GPHN: variants seen among roughly 807,000 people sequenced by gnomAD.
GPHN encodes the protein gephyrin.
GPHN carries 17 observed loss-of-function variants against 95.5 expected under a neutral mutation model. That is an observed-to-expected ratio of 0.18 (90% CI 0.12 to 0.27). GPHN has a LOEUF of 0.27. GPHN is among the 10% of genes least tolerant of loss of function. The pLI is 1.00. For missense variants in GPHN, 660 were observed against 978.1 expected, an observed-to-expected ratio of 0.67 and a Z score of 4.34; for synonymous variants, 320 against 322.5, an observed-to-expected ratio of 0.99 and a Z score of 0.08.
the GPHN span, chr14:67,333,102 G>A: frequency 1.1e-5 from 7 of 655,900 alleles, no homozygotes; most frequent in Admixed American, 1.9e-4. Flanking sequence ...TTGAATTAGT[G>A]AGACGACAGT....
chr14:67,578,615 C>T, the GPHN span: 18 of 1,607,156 alleles, frequency 1.1e-5, no homozygotes, highest in African/African-American at 2.7e-5. The surrounding 1 kb of genome is among the most constrained non-coding windows in gnomAD (Gnocchi z 5.0). Context: ...GCAGCTCCAA[C>T]GCCATGCAGA....
At chr14:67,090,844 T>A (rs981755153) in intron 12 of GPHN, among the ~76,000 whole-genome samples, 5 of 151,982 alleles carry the variant, frequency 3.3e-5, no homozygotes, top group African/African-American at 1.2e-4. Flanking sequence ...TTCAGTTTTC[T>A]TATCTCTAAA....
the GPHN span, among the ~76,000 whole-genome samples, chr14:67,389,483 A>AT: frequency 6.6e-6 from 1 of 152,074 alleles, no homozygotes; most frequent in Non-Finnish European, 1.5e-5. Context: ...CAGCCCAGAG[A>AT]TTTGGCAATT....
chr14:66,908,681 G>A (rs1255550362), intron 5 of GPHN, among the ~76,000 whole-genome samples: 1 of 151,978 alleles, frequency 6.6e-6, no homozygotes, highest in Non-Finnish European at 1.5e-5. Flanking sequence ...CCTCAGCTAA[G>A]AGATCAAGAT....
At chr14:67,001,269 A>G (rs1169355209) in intron 9 of GPHN, among the ~76,000 whole-genome samples, 2 of 151,530 alleles carry the variant, frequency 1.3e-5, no homozygotes, top group East Asian at 3.8e-4. Flanking sequence ...GATGTTCTAA[A>G]TTTTCTTTCC....
At chr14:66,942,977 A>G (rs964414410) in intron 8 of GPHN, among the ~76,000 whole-genome samples, 1 of 152,220 alleles carries the variant, frequency 6.6e-6, no homozygotes, top group Non-Finnish European at 1.5e-5. Flanking sequence ...AAAACTTATT[A>G]TGACCCTTTA....
At chr14:66,739,058 G>C (rs1174778955) in intron 2 of GPHN, among the ~76,000 whole-genome samples, 1 of 151,764 alleles carries the variant, frequency 6.6e-6, no homozygotes, top group African/African-American at 2.4e-5. Context: ...CATTTCCAGA[G>C]GACTGGAAAC....
chr14:66,610,557 C>A (rs949762116), intron 1 of GPHN, among the ~76,000 whole-genome samples: 6 of 152,106 alleles, frequency 3.9e-5, no homozygotes, highest in African/African-American at 1.4e-4. Context: ...CTTCTGTGCC[C>A]TCTCAAATCC....
At chr14:66,881,164 A>G (rs2063910787) in intron 5 of GPHN, among the ~76,000 whole-genome samples, 2 of 152,002 alleles carry the variant, frequency 1.3e-5, no homozygotes, top group Non-Finnish European at 2.9e-5. Flanking sequence ...TGAATGGGTC[A>G]TTAGTTACTA....
intron 1 of GPHN, among the ~76,000 whole-genome samples, chr14:66,624,796 C>T (rs2063455885): frequency 6.6e-6 from 1 of 152,172 alleles, no homozygotes; most frequent in African/African-American, 2.4e-5. Context: ...TTTCAGAAAA[C>T]AAGTTTTCTA....
chr14:67,579,246 C>T, the GPHN span: 7 of 1,605,786 alleles, frequency 4.4e-6, no homozygotes, highest in African/African-American at 2.7e-5. Context: ...CATCCTGCTG[C>T]GTAACCCCTT....
the GPHN span, among the ~76,000 whole-genome samples, chr14:67,559,172 C>T: frequency 1.1e-4 from 17 of 152,190 alleles, no homozygotes; most frequent in Non-Finnish European, 2.4e-4. Context: ...ATGGAAATAC[C>T]TCAGTTATCT....
At chr14:66,964,045 G>A (rs147590508) in intron 8 of GPHN, among the ~76,000 whole-genome samples, 151 of 152,198 alleles carry the variant, frequency 9.9e-4, no homozygotes, top group African/African-American at 3.5e-3. Flanking sequence ...CTTAGAAGAC[G>A]TATGCCCGTT....
At chr14:66,808,093 A>G (rs913735955) in intron 3 of GPHN, among the ~76,000 whole-genome samples, 1 of 152,202 alleles carries the variant, frequency 6.6e-6, no homozygotes, top group South Asian at 2.1e-4. Context: ...GTAAATAGTG[A>G]CAGCAAAATA....
chr14:67,621,560 A>G, the GPHN span, among the ~76,000 whole-genome samples: 7 of 151,666 alleles, frequency 4.6e-5, no homozygotes, highest in Admixed American at 3.3e-4. Context: ...GGTTCAAGCA[A>G]TTCTCCTCCC....
intron 2 of GPHN, among the ~76,000 whole-genome samples, chr14:66,723,330 T>A (rs1222933854): frequency 6.6e-6 from 1 of 151,226 alleles, no homozygotes; most frequent in East Asian, 1.9e-4. Context: ...TAAAAGGTTA[T>A]AACCTTTTGG....
the GPHN span, chr14:67,312,584 C>A: frequency 6.2e-7 from 1 of 1,613,220 alleles, no homozygotes; most frequent in East Asian, 2.2e-5. Context: ...TGTTCCATGT[C>A]GAGAGTTAGG....
intron 1 of GPHN, among the ~76,000 whole-genome samples, chr14:66,559,231 T>G (rs1430975689): frequency 6.6e-6 from 1 of 152,058 alleles, no homozygotes; most frequent in African/African-American, 2.4e-5. Flanking sequence ...CAGCATGATT[T>G]ATAGTCCTTT....
rs146322067 is a variant in GPHN, at chr14:66,590,287, T to C, written c.64+81696T>C. On this transcript the variant is annotated intron_variant, in intron 1 of 22. Coordinates refer to ENST00000478722, the MANE Select transcript of GPHN (RefSeq NM_020806.5). ...AACTAGAGAAGCAAGAGCAAACAAA[T>C]TCGAAAGCTAGCAGAAGACAAGAAA... Among the ~76,000 whole-genome samples, 87 of 152,064 alleles carry C rather than the reference T, an allele frequency of 5.7e-4. 1 individual carries two copies. In the East Asian group the frequency reaches 0.014, roughly 24 times the overall value.
Sources: gnomAD v4.1 joint callset for allele counts (sites outside exome capture counted in the v4.1 genomes callset) on GRCh38, gnomAD v4.1.1 for gene constraint, Gnocchi (gnomAD v3.1) non-coding constraint, MANE v1.5 for transcripts, NCBI Gene and HGNC (gene_info 2026-07-23, HGNC 2026-07-21) for gene names.